TMEM135: variants seen among roughly 807,000 people sequenced by gnomAD.
TMEM135 encodes transmembrane protein 135, also known as peroxisomal membrane protein 52.
TMEM135 carries 30 observed loss-of-function variants against 60.3 expected under a neutral mutation model. That is an observed-to-expected ratio of 0.50 (90% CI 0.37 to 0.68). The LOEUF is 0.68. Ranked by LOEUF, TMEM135 falls within the 30% of genes least tolerant of loss-of-function variation. The probability of loss-of-function intolerance (pLI) is 0.00; values close to 1 mark genes in which losing one functional copy is unlikely to be tolerated. For missense variants in TMEM135, 468 were observed against 548.8 expected (o/e 0.85, Z 1.47); for synonymous variants, 190 against 186.7 (o/e 1.02, Z -0.14).
At position 87,302,373 on chromosome 11, in the gene TMEM135, G is replaced by C. The variant is rs1171555236; in HGVS notation, c.629G>C (p.Arg210Thr). Reference protein sequence around the residue: ...EAAYAKVEQKREQHEEKPGRM... With the variant: ...EAAYAKVEQKTEQHEEKPGRM... ...GCATATGCAAAAGTGGAACAAAAGA[G>C]AGAGCAACATGAGGAAAAACCCGGA... is the stretch of plus-strand genomic sequence containing the variant. Residue 210 changes from arginine (R) to threonine (T), a missense_variant, in exon 8 of 15, where the codon AGA becomes ACA. Arg to Thr is a moderately conservative substitution (Grantham distance 71, BLOSUM62 -1). Coordinates refer to ENST00000305494, the MANE Select transcript of TMEM135 (RefSeq NM_022918.4). 14 of 1,613,766 alleles carry C rather than the reference G, an allele frequency of 8.7e-6. No individual in the cohort carries two copies. The Admixed American group carries it at 2.3e-4, about 27-fold the overall frequency.
Position 87,037,982 on chromosome 11 carries a change from C to T in TMEM135, c.-64C>T, listed in dbSNP as rs774120763. The T allele has an allele frequency of 3.7e-6, 6 of 1,607,962 alleles. No homozygotes were observed. The African/African-American group carries it at 8.0e-5, about 21-fold the overall frequency. ...CGGGCGAGAGGCTGGCGGCTGGGCT[C>T]TCGCGCCCCTCCCTGCAGGGCTCAG... On this transcript the variant is annotated 5_prime_UTR_variant, in exon 1 of 15. Coordinates refer to ENST00000305494, the MANE Select transcript of TMEM135 (RefSeq NM_022918.4).
intron 3 of TMEM135, 56 bp downstream of exon 3, chr11:87,071,671 A>C: frequency 1.5e-6 from 2 of 1,356,420 alleles, no homozygotes; most frequent in Non-Finnish European, 2.0e-6. Context: ...TACCCCAACT[A>C]TAATTTTTTT....
At chr11:87,211,836 C>T (rs1056703273) in intron 5 of TMEM135, among the ~76,000 whole-genome samples, 42 of 151,884 alleles carry the variant, frequency 2.8e-4, no homozygotes, top group African/African-American at 8.2e-4. Flanking sequence ...CCCAGCTACT[C>T]GGGAGGTTGA....
At chr11:87,149,328 A>G (rs901422342) in intron 4 of TMEM135, among the ~76,000 whole-genome samples, 2 of 152,068 alleles carry the variant, frequency 1.3e-5, no homozygotes, top group Non-Finnish European at 2.9e-5. Flanking sequence ...CTATTTACTT[A>G]TGTGTTCCTA....
In TMEM135 at chr11:87,321,999, A is replaced by G. The variant is rs878916294; in HGVS notation, c.*666A>G. 2 of 454,436 alleles carry G rather than the reference A, an allele frequency of 4.4e-6. No individual in the cohort carries two copies. Among genetic ancestry groups the G allele is most frequent in the Non-Finnish European group, 8.8e-6 (2 of 226,746 alleles). 28.2% of individuals were successfully genotyped at this position (454,436 alleles called of 1,614,324 possible). A position where few individuals can be genotyped will look rare whatever the true frequency, so the allele number is the denominator to read the frequency against. ...CTCTTCATGACCAGTTAATTGGGCT[A>G]TTTGGCAGCCCAGTGAACCTATGTA... On this transcript the variant is annotated 3_prime_UTR_variant, in exon 15 of 15. Transcript: ENST00000305494.
intron 4 of TMEM135, among the ~76,000 whole-genome samples, chr11:87,155,527 G>A (rs1238348067): frequency 6.6e-6 from 1 of 152,178 alleles, no homozygotes; most frequent in Non-Finnish European, 1.5e-5. Context: ...ATTGCCCAAT[G>A]TGTGCAGCAA....
At chr11:87,316,936 G>A (rs896494051) in intron 12 of TMEM135, among the ~76,000 whole-genome samples, 7 of 151,334 alleles carry the variant, frequency 4.6e-5, no homozygotes, top group African/African-American at 7.3e-5. Context: ...TCCTTTTGTG[G>A]AATTCATTGC....
chr11:87,223,441 A>G (rs1940691827), intron 5 of TMEM135, among the ~76,000 whole-genome samples: 1 of 151,806 alleles, frequency 6.6e-6, no homozygotes, highest in African/African-American at 2.4e-5. Flanking sequence ...AAGTGTTGGG[A>G]TTACACGCGT....
In TMEM135 at chr11:87,047,534, C is replaced by T. The variant is rs370558086; in HGVS notation, c.141+9348C>T. Among the ~76,000 whole-genome samples the T allele has an allele frequency of 3.4e-5, 5 of 147,540 alleles. No individual in the cohort carries two copies. The East Asian group carries it at 6.2e-4, about 18-fold the overall frequency. On this transcript the variant is annotated intron_variant, in intron 1 of 14. Transcript: ENST00000305494. ...GCAAGGGGTCAGGGAGTTCCCTTTC[C>T]GAGTCAAAGAAAGGGGTGATGGACG...
intron 1 of TMEM135, among the ~76,000 whole-genome samples, chr11:87,064,962 T>C (rs2513213): frequency 0.5 from 76,183 of 151,454 alleles, 20,383 homozygotes; most frequent in East Asian, 0.78. Context: ...TTTTTTTTTT[T>C]CCCCCCACTC....
At position 87,324,656 on chromosome 11, in the gene TMEM135, C is replaced by G. The variant is rs752589187; in HGVS notation, c.*3323C>G. 6.6e-6 allele frequency: 3 copies of G among 451,600 alleles called. No individual in the cohort carries two copies. The highest frequency in any genetic ancestry group is 7.0e-4 in the Middle Eastern group (1 of 1,420). The allele number at this position is 451,600 out of a possible 1,614,324, so 28.0% of individuals were successfully genotyped here. On this transcript the variant is annotated 3_prime_UTR_variant, in exon 15 of 15. Transcript: ENST00000305494. Reference sequence around the variant, plus strand: ...ATGTTGTCCAGGCTGGTCTTAAACTCCTGGCCTCAAGTGATCCTCTTGGGT... The same window carrying G: ...ATGTTGTCCAGGCTGGTCTTAAACTGCTGGCCTCAAGTGATCCTCTTGGGT...
At position 87,289,337 on chromosome 11, in the gene TMEM135, T is replaced by TTACTGTTAACTATAGTCA. The variant is rs1375643861; in HGVS notation, c.510-6443_510-6426dup. 6.2e-4 allele frequency among the ~76,000 whole-genome samples: 95 copies of TTACTGTTAACTATAGTCA among 152,228 alleles called. 2 individuals carry two copies. The South Asian group carries it at 0.019, about 31-fold the overall frequency. On this transcript the variant is annotated intron_variant, in intron 6 of 14. Coordinates refer to ENST00000305494, the MANE Select transcript of TMEM135 (RefSeq NM_022918.4). ...CCTTCTAGCTATTTGAAACTATGTA[T>TTACTGTTAACTATAGTCA]TACTGTTAACTATAGTCATCCTACA... is the stretch of plus-strand genomic sequence containing the variant.
At chr11:87,097,000 CT>C (rs34461814) in intron 4 of TMEM135, among the ~76,000 whole-genome samples, 139 of 143,556 alleles carry the variant, frequency 9.7e-4, no homozygotes, top group East Asian at 4.1e-3. Context: ...GGAAGCCACT[CT>C]TTTTTTTTTT....
chr11:87,181,349 A>G (rs570182658), intron 5 of TMEM135, among the ~76,000 whole-genome samples: 1 of 152,220 alleles, frequency 6.6e-6, no homozygotes, highest in South Asian at 2.1e-4. Flanking sequence ...GAAAAGGTAT[A>G]ACAATTACGT....
At position 87,319,353 on chromosome 11, in the gene TMEM135, T is replaced by G. The variant is rs556396243; in HGVS notation, c.1220T>G (p.Phe407Cys). The G allele has an allele frequency of 1.9e-6, 3 of 1,613,468 alleles. No individual in the cohort carries two copies. The highest frequency in any genetic ancestry group is 2.7e-5 in the African/African-American group (2 of 75,006). The change falls in exon 14 of 15, where the codon TTC (phenylalanine) becomes TGC (cysteine). Residue 407 changes from phenylalanine to cysteine, a missense_variant. Coordinates refer to ENST00000305494, the MANE Select transcript of TMEM135 (RefSeq NM_022918.4). ...ACTTTGAGACCATCTTACTGGAAGT[T>G]CCTTTTAAGACTCACCAAGGGCAAG... is the stretch of plus-strand genomic sequence containing the variant. ...VQTLRPSYWK[F>C]LLRLTKGKFA...
At chr11:87,266,338 T>C (rs923660654) in intron 6 of TMEM135, among the ~76,000 whole-genome samples, 16 of 152,326 alleles carry the variant, frequency 1.1e-4, no homozygotes, top group African/African-American at 2.9e-4. Context: ...CATTGTGAAA[T>C]TTCATCTATC....
chr11:87,314,897 A>C (rs1176711621), intron 12 of TMEM135, among the ~76,000 whole-genome samples: 1 of 151,870 alleles, frequency 6.6e-6, no homozygotes, highest in Non-Finnish European at 1.5e-5. Flanking sequence ...AAATTTCAGC[A>C]TAAAGACTCC....
At chr11:87,065,443 C>T (rs1291044789) in intron 1 of TMEM135, among the ~76,000 whole-genome samples, 3 of 152,100 alleles carry the variant, frequency 2.0e-5, no homozygotes, top group Admixed American at 1.3e-4. Context: ...GGCTAATGTG[C>T]TTATTTGCTG....
intron 8 of TMEM135, among the ~76,000 whole-genome samples, chr11:87,303,258 C>T (rs369057398): frequency 4.6e-5 from 7 of 152,172 alleles, no homozygotes; most frequent in Admixed American, 1.3e-4. Context: ...TTGTGAACTG[C>T]GCGTACAAGG....
Sources: allele counts gnomAD v4.1 joint callset (sites outside exome capture counted in the v4.1 genomes callset), GRCh38; gene constraint gnomAD v4.1.1; transcripts MANE v1.5; gene names NCBI Gene and HGNC (gene_info 2026-07-23, HGNC 2026-07-21).